The following C3 variants were observed in gnomAD, a reference collection of about 807,000 sequenced individuals.
The protein encoded by C3 is C3 and PZP-like alpha-2-macroglobulin domain-containing protein 1.
In C3, 97 loss-of-function variants were observed where a neutral mutation model predicts 207.9. The observed-to-expected ratio is 0.47, with a 90% CI of 0.40 to 0.55. The LOEUF (loss-of-function observed/expected upper bound fraction) is 0.55. C3 is among the 20% of genes least tolerant of loss of function. The pLI is 0.00. For missense variants in C3, 1,684 were observed against 2,171.7 expected, an observed-to-expected ratio of 0.78 and a Z score of 4.46; for synonymous variants, 848 against 857.6, an observed-to-expected ratio of 0.99 and a Z score of 0.20.
chr19:6,703,500 G>C (rs1051118266), intron 17 of C3, among the ~76,000 whole-genome samples: 1 of 151,992 alleles, frequency 6.6e-6, no homozygotes, highest in Non-Finnish European at 1.5e-5. Context: ...CCAGATACTC[G>C]GGAGGCTGAG....
At chr19:6,710,159 GGA>G (rs1302142104) in intron 13 of C3, among the ~76,000 whole-genome samples, 1 of 139,414 alleles carries the variant, frequency 7.2e-6, no homozygotes, top group East Asian at 2.3e-4. Context: ...AAAGGGAGAG[GGA>G]GAGAGAGGGA....
intron 13 of C3, among the ~76,000 whole-genome samples, 160 bp downstream of exon 13, chr19:6,710,477 TGA>T (rs1967893695): frequency 8.0e-6 from 1 of 124,938 alleles, no homozygotes; most frequent in Admixed American, 8.9e-5. Context: ...GAGAGACAGT[TGA>T]GAGACAGAGA....
In C3 at chr19:6,677,781, G is replaced by A. The variant is rs1236110972; in HGVS notation, c.*101C>T. 50 of 1,439,326 alleles carry A rather than the reference G, an allele frequency of 3.5e-5. No individual in the cohort carries two copies. The highest frequency in any genetic ancestry group is 2.1e-4 in the Admixed American group (12 of 56,718). 89.2% of individuals were successfully genotyped at this position (1,439,326 alleles called of 1,614,324 possible). On this transcript the variant is annotated 3_prime_UTR_variant, in exon 41 of 41. Coordinates refer to ENST00000245907, the MANE Select transcript of C3 (RefSeq NM_000064.4). ...CAAGTAGGATGGAGCTGAGCTGCAG[G>A]TGAGGCGGCTGGGGATTTCAGCCTC...
chr19:6,678,088 G>A lies in C3; in HGVS notation c.4850+64C>T. 4.3e-6 allele frequency: 7 copies of A among 1,614,090 alleles called. No individual in the cohort carries two copies. The South Asian group carries it at 7.7e-5, about 18-fold the overall frequency. ...GGGCGTGGCGCAGGGGCGTGACAAT[G>A]GTGTGGGCGTGGCATGGGCGGGGCA... On this transcript the variant is annotated intron_variant, in intron 40 of 40. Coordinates refer to ENST00000245907, the MANE Select transcript of C3 (RefSeq NM_000064.4).
At chr19:6,679,599 T>C (rs1917809325) in intron 36 of C3, 103 bp from the exon 37 acceptor site, 3 of 814,426 alleles carry the variant, frequency 3.7e-6, no homozygotes, top group Non-Finnish European at 6.6e-6. Flanking sequence ...GACCTGGAGA[T>C]GCTAGGTCTT....
chr19:6,691,385 G>A (rs553149530), intron 26 of C3, among the ~76,000 whole-genome samples: 2 of 152,274 alleles, frequency 1.3e-5, no homozygotes, highest in South Asian at 2.1e-4. Flanking sequence ...GATGAGTTCT[G>A]TGCAAGGGAA....
chr19:6,700,875 A>T (rs1055053212), intron 19 of C3, among the ~76,000 whole-genome samples: 1 of 148,568 alleles, frequency 6.7e-6, no homozygotes, highest in Non-Finnish European at 1.5e-5. Flanking sequence ...ATTATAAATT[A>T]TAATAAACCA....
intron 29 of C3, 93 bp from the exon 30 acceptor site, chr19:6,685,239 G>T: frequency 8.2e-7 from 1 of 1,220,696 alleles, no homozygotes; most frequent in Non-Finnish European, 1.2e-6. Flanking sequence ...TCAGAGCTGG[G>T]ACATCAAAAT....
chr19:6,698,976 A>C (rs1366701061), intron 19 of C3, among the ~76,000 whole-genome samples: 1 of 151,546 alleles, frequency 6.6e-6, no homozygotes, highest in Non-Finnish European at 1.5e-5. Context: ...TTGTATTTTT[A>C]GTAGAGACAG....
In C3 at chr19:6,684,850, A is replaced by G. The variant is rs766979609; in HGVS notation, c.3970-16T>C. 1 of 1,614,052 alleles carries G rather than the reference A, an allele frequency of 6.2e-7. No homozygotes were observed. Among genetic ancestry groups the G allele is most frequent in the Non-Finnish European group, 8.5e-7 (1 of 1,179,898 alleles). ...TTTCCTTGGTCTGCAGAGTGAAAAG[A>G]GAGAAGAGAGCATGTTGGGAATTAA... On this transcript the variant is annotated splice_polypyrimidine_tract_variant and intron_variant, in intron 30 of 40. Transcript: ENST00000245907.
intron 38 of C3, among the ~76,000 whole-genome samples, chr19:6,678,828 G>A (rs1917786495): frequency 6.6e-6 from 1 of 151,986 alleles, no homozygotes; most frequent in African/African-American, 2.4e-5. Context: ...CACACTCACT[G>A]CCATCTACAA....
rs775719070 is a variant in C3, at chr19:6,718,253, A to C, written c.427T>G (p.Ser143Ala). 6.2e-7 allele frequency: 1 copy of C among 1,614,142 alleles called. No individual in the cohort carries two copies. The highest frequency in any genetic ancestry group is 1.1e-5 in the South Asian group (1 of 91,078). ...CAGCCGCCCCCAGCCTCACCTGTGGAGCCAGGGGTGTAGATGGTCTTGTCT... is the reference window on the plus strand; with the variant it reads ...CAGCCGCCCCCAGCCTCACCTGTGGCGCCAGGGGTGTAGATGGTCTTGTCT... Reference protein sequence around the residue: ...QTDKTIYTPGSTVLYRIFTVN... With the variant: ...QTDKTIYTPGATVLYRIFTVN... Residue 143 changes from serine to alanine, a missense_variant, in exon 3 of 41, where the codon TCC (serine) becomes GCC (alanine). Ser to Ala is a moderately conservative substitution (Grantham distance 99). Coordinates refer to ENST00000245907, the MANE Select transcript of C3 (RefSeq NM_000064.4).
At chr19:6,709,650 C>G in intron 14 of C3, 34 bp downstream of exon 14, 1 of 1,605,064 alleles carries the variant, frequency 6.2e-7, no homozygotes, top group Non-Finnish European at 8.5e-7. Context: ...GTGCCTCCGC[C>G]TCTTCTCAGC....
chr19:6,690,611 A>G lies in C3; in HGVS notation c.3489+18T>C, dbSNP rs747517809. On this transcript the variant is annotated intron_variant, in intron 27 of 40. Coordinates refer to ENST00000245907, the MANE Select transcript of C3 (RefSeq NM_000064.4). ...ATCGGGTAAGGTAGGGTAGGGTGGGAAGATGGAGGGCACTTACGTTGACCT... is the reference window on the plus strand; with the variant it reads ...ATCGGGTAAGGTAGGGTAGGGTGGGGAGATGGAGGGCACTTACGTTGACCT... 5.1e-5 allele frequency: 82 copies of G among 1,601,340 alleles called. 1 individual carries two copies. In the South Asian group the frequency reaches 8.3e-4, roughly 16 times the overall value.
chr19:6,692,776 C>A, intron 26 of C3, 148 bp downstream of exon 26: 1 of 964,488 alleles, frequency 1.0e-6, no homozygotes, highest in Non-Finnish European at 1.6e-6. Context: ...GCCTCTGGCT[C>A]ATATATCTGC....
intron 24 of C3, 67 bp from the exon 25 acceptor site, chr19:6,693,554 C>A: frequency 6.9e-7 from 1 of 1,447,500 alleles, no homozygotes; most frequent in East Asian, 2.4e-5. Context: ...CCAGAAAGGG[C>A]AGGGGCGGGG....
chr19:6,684,411 A>G lies in C3; in HGVS notation c.4149T>C (p.Thr1383=), dbSNP rs866525513. 1 of 1,613,992 alleles carries G rather than the reference A, an allele frequency of 6.2e-7. No homozygotes were observed. Among genetic ancestry groups the G allele is most frequent in the Non-Finnish European group, 8.5e-7 (1 of 1,179,814 alleles). ...ACCTGGTACAGATCTCAAGGATCAT[A>G]GTGTTCTTGGCATCCTGAGGCCTCT... ...TEKRPQDAKN[T]MILEICTRYR... The change falls in exon 33 of 41, where the codon ACT becomes ACC. Residue 1383 remains threonine (T), a synonymous_variant. Transcript: ENST00000245907.
intron 26 of C3, 151 bp downstream of exon 26, chr19:6,692,773 G>A (rs1003130931): frequency 1.2e-5 from 11 of 937,068 alleles, no homozygotes; most frequent in Non-Finnish European, 1.8e-5. Flanking sequence ...GACGCCTCTG[G>A]CTCATATATC....
rs779219365 is a variant in C3, at chr19:6,679,468, C to T, written c.4485G>A (p.Pro1495=). 12 of 1,613,336 alleles carry T rather than the reference C, an allele frequency of 7.4e-6. No individual in the cohort carries two copies. Among genetic ancestry groups the T allele is most frequent in the South Asian group, 4.4e-5 (4 of 91,080 alleles). Residue 1495 remains proline, a synonymous_variant, in exon 37 of 41, where the codon CCG becomes CCA. Coordinates refer to ENST00000245907, the MANE Select transcript of C3 (RefSeq NM_000064.4). The part of the protein sequence containing the change: ...LEESCTRFYH[P]EKEDGKLNKL... ...TGTTCAGCTTTCCATCCTCCTTTTC[C>T]GGATGGTAGAACCGGGTACAGCTTT...
Sources: allele counts gnomAD v4.1 joint callset (sites outside exome capture counted in the v4.1 genomes callset), GRCh38; gene constraint gnomAD v4.1.1; transcripts MANE v1.5; gene names NCBI Gene and HGNC (gene_info 2026-07-23, HGNC 2026-07-21).